TRAPPC8: variants seen among roughly 807,000 people sequenced by gnomAD.
TRAPPC8 encodes the protein general sporulation gene 1 homolog.
In TRAPPC8, 54 loss-of-function variants were observed where a neutral mutation model predicts 174.3. The ratio of observed to expected loss-of-function variants is 0.31; its 90% CI spans 0.25 to 0.39. The LOEUF (loss-of-function observed/expected upper bound fraction) is 0.39. TRAPPC8 is among the 10% of genes least tolerant of loss of function. The pLI is 1.00. For synonymous variants in TRAPPC8, 630 were observed against 579.9 expected, an observed-to-expected ratio of 1.09 and a Z score of -1.24; for missense variants, 1,531 against 1,699.1, an observed-to-expected ratio of 0.90 and a Z score of 1.74.
chr18:31,940,624 G>C (rs1360926439), intron 1 of TRAPPC8, among the ~76,000 whole-genome samples: 5 of 151,720 alleles, frequency 3.3e-5, no homozygotes, highest in African/African-American at 9.7e-5. Context: ...TCAGCTTCTC[G>C]AGTAGCTGGG....
intron 21 of TRAPPC8, among the ~76,000 whole-genome samples, chr18:31,854,716 C>A (rs1003306308): frequency 6.6e-6 from 1 of 152,046 alleles, no homozygotes; most frequent in African/African-American, 2.4e-5. Context: ...CGCCTGTAAT[C>A]CCAGCACTTG....
Position 31,864,640 on chromosome 18 carries a change from A to G in TRAPPC8, c.2732T>C (p.Met911Thr), listed in dbSNP as rs749294670. ...RRLDPIITEE[M>T]PLLEVFFIHF... The stretch of plus-strand genomic sequence containing the variant: ...AAAGTGAAATACCTCCAACAGTGGC[A>G]TTTCTTCTGTGATTATGGGATCTAA... Residue 911 changes from methionine to threonine, a missense_variant, in exon 19 of 29, where the codon ATG becomes ACG. By Grantham distance (81) the Met-to-Thr change is moderately conservative. Coordinates refer to ENST00000283351, the MANE Select transcript of TRAPPC8 (RefSeq NM_014939.5). 6.2e-7 allele frequency: 1 copy of G among 1,611,998 alleles called. No homozygotes were observed. Among genetic ancestry groups the G allele is most frequent in the Admixed American group, 1.7e-5 (1 of 59,628 alleles).
Position 31,870,374 on chromosome 18 carries a change from G to C in TRAPPC8, c.2386C>G (p.Leu796Val). 1 of 1,604,634 alleles carries C rather than the reference G, an allele frequency of 6.2e-7. No homozygotes were observed. The highest frequency in any genetic ancestry group is 8.5e-7 in the Non-Finnish European group (1 of 1,176,518). ...SGKDNEEVKQ[L>V]VTSEPEMIGA... is the part of the protein sequence containing the mutation. The stretch of plus-strand genomic sequence containing the variant: ...ACAAATACCTTTTAATAACTTACTA[G>C]TTGTTTAACTTCTTCATTATCCTTT... Residue 796 changes from leucine to valine, a missense_variant and splice_region_variant, in exon 16 of 29, where the codon CTA becomes GTA. By Grantham distance (32) the Leu-to-Val change is conservative. Coordinates refer to ENST00000283351, the MANE Select transcript of TRAPPC8 (RefSeq NM_014939.5).
chr18:31,874,124 C>A (rs1019013253), intron 13 of TRAPPC8: 5 of 293,314 alleles, frequency 1.7e-5, no homozygotes, highest in African/African-American at 2.2e-5. Flanking sequence ...GAATGTCCAT[C>A]TCCAAAGGAT....
chr18:31,842,404 G>T (rs566541362), intron 26 of TRAPPC8, among the ~76,000 whole-genome samples: 1 of 152,178 alleles, frequency 6.6e-6, no homozygotes. Context: ...AACACTGATT[G>T]TGAGACATGA....
chr18:31,898,919 A>G (rs1189428821), intron 10 of TRAPPC8, among the ~76,000 whole-genome samples: 2 of 152,216 alleles, frequency 1.3e-5, no homozygotes, highest in Non-Finnish European at 2.9e-5. Context: ...TTATTAATAT[A>G]ACTAAAGCTT....
intron 12 of TRAPPC8, among the ~76,000 whole-genome samples, chr18:31,885,058 C>T (rs1354798117): frequency 1.3e-5 from 2 of 151,978 alleles, no homozygotes; most frequent in African/African-American, 2.4e-5. Flanking sequence ...GGGGTTTCAC[C>T]GTGTTAGCCA....
intron 9 of TRAPPC8, among the ~76,000 whole-genome samples, chr18:31,903,268 G>GA (rs1483293572): frequency 6.6e-6 from 1 of 152,084 alleles, no homozygotes; most frequent in Non-Finnish European, 1.5e-5. Context: ...CGACAAGAAT[G>GA]ATTTAGGGTT....
At chr18:31,925,455 C>T (rs140541018) in intron 2 of TRAPPC8, among the ~76,000 whole-genome samples, 1 of 152,058 alleles carries the variant, frequency 6.6e-6, no homozygotes, top group Non-Finnish European at 1.5e-5. Flanking sequence ...AGGATATTCA[C>T]ACCCAGAAAA....
intron 9 of TRAPPC8, among the ~76,000 whole-genome samples, chr18:31,905,985 GCAAT>G (rs776387429): frequency 3.5e-4 from 54 of 152,130 alleles, no homozygotes; most frequent in Non-Finnish European, 4.7e-4. Context: ...ACTATAATGA[GCAAT>G]CAGAGAATAT....
At chr18:31,844,715 C>CA (rs530498817) in intron 26 of TRAPPC8, 5,434 of 80,682 alleles carry the variant, frequency 0.067, 285 homozygotes, top group African/African-American at 0.18. Flanking sequence ...GACTCTGTCT[C>CA]AAAAAAAAAA....
intron 27 of TRAPPC8, among the ~76,000 whole-genome samples, chr18:31,834,783 T>C (rs1356698604): frequency 3.3e-5 from 5 of 152,176 alleles, no homozygotes; most frequent in African/African-American, 1.2e-4. Flanking sequence ...TTCTTTCTTC[T>C]ATTCTCATAC....
rs554361700 is a variant in TRAPPC8 at position 31,886,709 on chromosome 18, G to A, written c.1728+4026C>T. ...TAAACAACTTCTGGGGGTGCCGAGC[G>A]CAATGGCTCATGCCTGTAATCTCAG... On this transcript the variant is annotated intron_variant, in intron 12 of 28. Transcript: ENST00000283351. Among the ~76,000 whole-genome samples the A allele has an allele frequency of 4.6e-5, 7 of 152,278 alleles. No individual in the cohort carries two copies. The East Asian group carries it at 9.7e-4, about 21-fold the overall frequency.
intron 16 of TRAPPC8, among the ~76,000 whole-genome samples, chr18:31,868,868 A>G (rs2034709561): frequency 6.6e-6 from 1 of 152,028 alleles, no homozygotes; most frequent in Non-Finnish European, 1.5e-5. Context: ...ACATCTGGCT[A>G]ATTTTTAAAT....
At chr18:31,916,162 A>C in intron 4 of TRAPPC8, 110 bp downstream of exon 4, 1 of 802,270 alleles carries the variant, frequency 1.2e-6, no homozygotes, top group Non-Finnish European at 1.8e-6. Flanking sequence ...ATTCACATTA[A>C]ACTTTTACAT....
chr18:31,890,420 C>G (rs949357949), intron 12 of TRAPPC8, among the ~76,000 whole-genome samples: 4 of 152,134 alleles, frequency 2.6e-5, no homozygotes, highest in African/African-American at 9.7e-5. Context: ...AGAATGCATT[C>G]CTGCTTGAAT....
chr18:31,922,602 CAAACAAA>C (rs1386086809), intron 2 of TRAPPC8, among the ~76,000 whole-genome samples: 1 of 152,004 alleles, frequency 6.6e-6, no homozygotes, highest in African/African-American at 2.4e-5. Flanking sequence ...TCAAAACGAA[CAAACAAA>C]AAACAAAAAA....
At chr18:31,887,089 CCT>C (rs2035751417) in intron 12 of TRAPPC8, among the ~76,000 whole-genome samples, 1 of 152,118 alleles carries the variant, frequency 6.6e-6, no homozygotes, top group Non-Finnish European at 1.5e-5. Flanking sequence ...CCAATACAAC[CCT>C]GTTTTAAATT....
chr18:31,909,598 G>A (rs773678052), intron 6 of TRAPPC8, 69 bp downstream of exon 6: 2 of 1,547,560 alleles, frequency 1.3e-6, no homozygotes, highest in Admixed American at 4.7e-5. Context: ...TATCTATAAA[G>A]GTTAGCATGA....
Sources: gnomAD v4.1 joint callset for allele counts (sites outside exome capture counted in the v4.1 genomes callset) on GRCh38, gnomAD v4.1.1 for gene constraint, MANE v1.5 for transcripts, NCBI Gene and HGNC (gene_info 2026-07-23, HGNC 2026-07-21) for gene names.